The following MACC1 variants were observed in gnomAD, a reference collection of about 807,000 sequenced individuals.
MACC1 encodes MET transcriptional regulator MACC1, also known as metastasis-associated in colon cancer protein 1.
In MACC1, 79 loss-of-function variants were observed where a neutral mutation model predicts 70.7. The observed-to-expected ratio is 1.12, with a 90% CI of 0.93 to 1.35. The LOEUF is 1.35. Among genes scored for constraint, MACC1 ranks in the 40% most tolerant of loss-of-function variants. The pLI is 0.00. For missense variants in MACC1, 1,106 were observed against 978.1 expected, an observed-to-expected ratio of 1.13 and a Z score of -1.74; for synonymous variants, 361 against 347.2, an observed-to-expected ratio of 1.04 and a Z score of -0.44.
chr7:20,154,574 C>G (rs1468872660), intron 5 of MACC1, among the ~76,000 whole-genome samples, 193 bp from the exon 6 acceptor site: 3 of 152,122 alleles, frequency 2.0e-5, no homozygotes, highest in Non-Finnish European at 2.9e-5. Flanking sequence ...GTAGACATAA[C>G]TAAGCCAGAG....
Position 20,159,011 on chromosome 7 carries a change from T to A in MACC1, c.1350A>T (p.Gly450=). The change falls in exon 5 of 7, where the codon GGA becomes GGT. Residue 450 remains glycine, a synonymous_variant. Transcript: ENST00000400331. ...CDPDFEVKTE[G]ERKEIKQKQL... Reference sequence around the variant, plus strand: ...GCTTTTGTTTAATTTCTTTCCTTTCTCCTTCTGTCTTTACTTCAAAATCAG... The same window carrying A: ...GCTTTTGTTTAATTTCTTTCCTTTCACCTTCTGTCTTTACTTCAAAATCAG... 6.2e-7 allele frequency: 1 copy of A among 1,614,008 alleles called. No homozygotes were observed. The highest frequency in any genetic ancestry group is 8.5e-7 in the Non-Finnish European group (1 of 1,180,006).
intron 2 of MACC1, among the ~76,000 whole-genome samples, chr7:20,165,530 T>C (rs550613378): frequency 1.1e-3 from 105 of 92,864 alleles, no homozygotes; most frequent in African/African-American, 6.1e-3. Flanking sequence ...GGAGAGGTGG[T>C]ATAGGGGAAA....
chr7:20,208,214 T>C (rs1782942074), intron 1 of MACC1, among the ~76,000 whole-genome samples: 1 of 152,156 alleles, frequency 6.6e-6, no homozygotes, highest in African/African-American at 2.4e-5. Flanking sequence ...ACTAATGCAG[T>C]AAATTGGTAC....
At chr7:20,153,344 C>T (rs556941743) in intron 6 of MACC1, 2 of 152,302 alleles carry the variant, frequency 1.3e-5, no homozygotes, top group East Asian at 1.9e-4. Flanking sequence ...CCCAGATCTA[C>T]GCCAAAAACA....
At chr7:20,213,333 T>C (rs1339440890) in intron 1 of MACC1, among the ~76,000 whole-genome samples, 1 of 152,214 alleles carries the variant, frequency 6.6e-6, no homozygotes, top group East Asian at 1.9e-4. Context: ...GGTGAGAGTG[T>C]AAATTAGTTC....
chr7:20,212,235 C>T (rs1266296707), intron 1 of MACC1, among the ~76,000 whole-genome samples: 1 of 152,134 alleles, frequency 6.6e-6, no homozygotes, highest in Non-Finnish European at 1.5e-5. Context: ...ATGTCTACTA[C>T]ATATTACATG....
intron 1 of MACC1, among the ~76,000 whole-genome samples, chr7:20,205,956 C>T (rs1008231579): frequency 2.6e-5 from 4 of 152,082 alleles, no homozygotes; most frequent in African/African-American, 9.7e-5. Flanking sequence ...TTATCTCTAT[C>T]AACAAAAATG....
chr7:20,149,821 C>A (rs538205683), intron 6 of MACC1, among the ~76,000 whole-genome samples: 1 of 152,304 alleles, frequency 6.6e-6, no homozygotes, highest in Admixed American at 6.5e-5. Context: ...AATTACTCCT[C>A]ACCACTTTGA....
intron 6 of MACC1, among the ~76,000 whole-genome samples, chr7:20,145,912 C>A (rs544076961): frequency 4.6e-5 from 7 of 152,270 alleles, no homozygotes; most frequent in African/African-American, 1.7e-4. Context: ...GTAATCCCAG[C>A]ACTTCTTTGG....
rs1370535497 is a variant in MACC1 at position 20,138,628 on chromosome 7, G to T, written c.*2318C>A. The T allele has an allele frequency of 6.6e-6, 1 of 150,586 alleles. No individual in the cohort carries two copies. The highest frequency in any genetic ancestry group is 1.5e-5 in the Non-Finnish European group (1 of 67,824). The allele number at this position is 150,586 out of a possible 1,614,324, so 9.3% of individuals were successfully genotyped here. On this transcript the variant is annotated 3_prime_UTR_variant, in exon 7 of 7. Coordinates refer to ENST00000400331, the MANE Select transcript of MACC1 (RefSeq NM_182762.4). ...TTGAATGTGTATACATAATTATTTG[G>T]TCAGGCTGTGTTCCCTTATAATCAA...
intron 1 of MACC1, 92 bp from the exon 2 acceptor site, chr7:20,170,870 T>C (rs1782294159): frequency 1.3e-5 from 2 of 152,360 alleles, no homozygotes; most frequent in Non-Finnish European, 2.9e-5. Context: ...AAAGAGCTTA[T>C]GAATAAAATT....
chr7:20,181,526 TA>T (rs1227416303), intron 1 of MACC1, among the ~76,000 whole-genome samples: 1 of 152,120 alleles, frequency 6.6e-6, no homozygotes, highest in Non-Finnish European at 1.5e-5. Context: ...ATTTAATATG[TA>T]AAAACTATGA....
intron 1 of MACC1, among the ~76,000 whole-genome samples, chr7:20,196,384 G>T (rs559536011): frequency 5.3e-5 from 8 of 152,164 alleles, no homozygotes; most frequent in African/African-American, 1.9e-4. Context: ...GTTTCACCGT[G>T]TTAGCCAGGA....
At chr7:20,143,046 T>C (rs987447008) in intron 6 of MACC1, among the ~76,000 whole-genome samples, 1 of 151,592 alleles carries the variant, frequency 6.6e-6, no homozygotes, top group Admixed American at 6.6e-5. Context: ...TCTCAAGAAT[T>C]ATAAAAGGGT....
chr7:20,203,415 G>A (rs1213100898), intron 1 of MACC1, among the ~76,000 whole-genome samples: 1 of 152,190 alleles, frequency 6.6e-6, no homozygotes, highest in Non-Finnish European at 1.5e-5. Flanking sequence ...TGCTGCTGAT[G>A]ATGATGATGG....
chr7:20,164,278 T>C lies in MACC1; in HGVS notation c.-31A>G, dbSNP rs958339073. 6.6e-6 allele frequency: 1 copy of C among 152,236 alleles called. No individual in the cohort carries two copies. Among genetic ancestry groups the C allele is most frequent in the Non-Finnish European group, 1.5e-5 (1 of 68,050 alleles). 9.4% of individuals were successfully genotyped at this position (152,236 alleles called of 1,614,324 possible). Reference sequence around the variant, plus strand: ...TACTTTTTGTTCTCCTTTGTGTGTGTTGACCACATCTCGTTCACCTGTGAC... The same window carrying C: ...TACTTTTTGTTCTCCTTTGTGTGTGCTGACCACATCTCGTTCACCTGTGAC... On this transcript the variant is annotated 5_prime_UTR_variant, in exon 3 of 7. Coordinates refer to ENST00000400331, the MANE Select transcript of MACC1 (RefSeq NM_182762.4).
chr7:20,200,617 T>C (rs553852149), intron 1 of MACC1, among the ~76,000 whole-genome samples: 101 of 152,320 alleles, frequency 6.6e-4, no homozygotes, highest in African/African-American at 2.4e-3. Flanking sequence ...AGAAGGGGGA[T>C]GAAGTAATGC....
chr7:20,146,709 T>G (rs991918297), intron 6 of MACC1, among the ~76,000 whole-genome samples: 3 of 152,220 alleles, frequency 2.0e-5, no homozygotes, highest in African/African-American at 7.2e-5. Context: ...TTAGAAAAGA[T>G]ATGCAGAAAC....
At chr7:20,186,889 G>A (rs550840126) in intron 1 of MACC1, among the ~76,000 whole-genome samples, 6 of 152,270 alleles carry the variant, frequency 3.9e-5, no homozygotes, top group South Asian at 2.1e-4. Context: ...ACAGCATAAC[G>A]TATGCTTAGG....
Sources: gnomAD v4.1 joint callset for allele counts (sites outside exome capture counted in the v4.1 genomes callset) on GRCh38, gnomAD v4.1.1 for gene constraint, MANE v1.5 for transcripts, NCBI Gene and HGNC (gene_info 2026-07-23, HGNC 2026-07-21) for gene names.